Variants in CAP2 observed in about 807,000 individuals in gnomAD.
The protein encoded by CAP2 is cyclase associated actin cytoskeleton regulatory protein 2.
CAP2 carries 24 observed loss-of-function variants against 57.7 expected under a neutral mutation model. The observed-to-expected ratio is 0.42, with a 90% confidence interval of 0.30 to 0.58. The LOEUF is 0.58. CAP2 is among the 20% of genes least tolerant of loss of function. The pLI, the probability that CAP2 is intolerant of heterozygous loss-of-function variation, is 0.22. For missense variants in CAP2, 501 were observed against 590.3 expected (o/e 0.85, Z 1.57); for synonymous variants, 194 against 207.2 (o/e 0.94, Z 0.55).
intron 11 of CAP2, among the ~76,000 whole-genome samples, chr6:17,545,986 A>G (rs565333171): frequency 1.3e-3 from 203 of 152,310 alleles, no homozygotes; most frequent in Non-Finnish European, 2.0e-3. Flanking sequence ...TATTGCGAAT[A>G]GTGCCGCAAT....
intron 8 of CAP2, 89 bp downstream of exon 8, chr6:17,539,547 C>A: frequency 3.2e-6 from 3 of 933,406 alleles, no homozygotes; most frequent in Non-Finnish European, 4.9e-6. Flanking sequence ...GTGATGGATA[C>A]ATCACTCCAT....
intron 4 of CAP2, among the ~76,000 whole-genome samples, chr6:17,502,215 G>A (rs1161548559): frequency 4.6e-5 from 7 of 152,188 alleles, no homozygotes; most frequent in Admixed American, 4.6e-4. Context: ...AAATCAGCCT[G>A]TATTGATTGA....
intron 4 of CAP2, among the ~76,000 whole-genome samples, chr6:17,484,530 T>C (rs1220516790): frequency 6.6e-6 from 1 of 152,230 alleles, no homozygotes; most frequent in Non-Finnish European, 1.5e-5. Context: ...AATATCATAT[T>C]TCATTGCCAG....
At position 17,441,733 on chromosome 6, in the gene CAP2, C is replaced by T. The variant is rs145043329; in HGVS notation, c.222+15043C>T. Among the ~76,000 whole-genome samples the T allele has an allele frequency of 3.0e-3, 459 of 152,296 alleles. 1 individual carries two copies. The highest frequency in any genetic ancestry group is 0.01 in the African/African-American group (433 of 41,554). On this transcript the variant is annotated intron_variant, in intron 3 of 12. Transcript: ENST00000229922. ...CTCCTAGGCTCAAGCAATCCTCCCA[C>T]CTTGGCCTCCCAAAGTGTTGGGATT...
At chr6:17,419,042 A>C (rs560361715) in intron 1 of CAP2, among the ~76,000 whole-genome samples, 18 of 152,324 alleles carry the variant, frequency 1.2e-4, no homozygotes, top group Admixed American at 2.0e-4. Flanking sequence ...CAGTTTCAGG[A>C]GAGATGACTT....
intron 3 of CAP2, among the ~76,000 whole-genome samples, chr6:17,435,589 CATT>C (rs1476430371): frequency 7.9e-6 from 1 of 126,172 alleles, no homozygotes; most frequent in Non-Finnish European, 1.6e-5. Context: ...CTAGATGTCA[CATT>C]AGTGGGTGCA....
At chr6:17,540,904 T>G in intron 8 of CAP2, 69 bp from the exon 9 acceptor site, 1 of 1,436,574 alleles carries the variant, frequency 7.0e-7, no homozygotes, top group Non-Finnish European at 9.5e-7. Context: ...TTACATCATG[T>G]TGATCTAGCA....
chr6:17,498,256 G>T (rs1036274724), intron 4 of CAP2, among the ~76,000 whole-genome samples: 1 of 152,158 alleles, frequency 6.6e-6, no homozygotes, highest in African/African-American at 2.4e-5. Context: ...ACAAAAAAAC[G>T]TGTCTACTGT....
intron 4 of CAP2, among the ~76,000 whole-genome samples, chr6:17,488,419 T>G (rs1761472319): frequency 6.6e-6 from 1 of 152,234 alleles, no homozygotes; most frequent in Non-Finnish European, 1.5e-5. Context: ...CCTCGATGGC[T>G]TGGTCCCACA....
intron 2 of CAP2, among the ~76,000 whole-genome samples, chr6:17,423,329 T>G (rs1759495654): frequency 6.6e-6 from 1 of 152,184 alleles, no homozygotes; most frequent in South Asian, 2.1e-4. Context: ...GGGTGTTGTT[T>G]TAAGGAAGGC....
At chr6:17,543,389 G>A (rs540500224) in intron 11 of CAP2, among the ~76,000 whole-genome samples, 8 of 152,134 alleles carry the variant, frequency 5.3e-5, no homozygotes, top group Non-Finnish European at 8.8e-5. Flanking sequence ...AGGCCGAGGT[G>A]GGCGGATCAC....
chr6:17,483,349 G>T (rs1038855836), intron 4 of CAP2, among the ~76,000 whole-genome samples: 4 of 151,834 alleles, frequency 2.6e-5, no homozygotes, highest in Non-Finnish European at 5.9e-5. Flanking sequence ...TTCCTCCATT[G>T]TTTTCCTGTC....
intron 12 of CAP2, among the ~76,000 whole-genome samples, chr6:17,556,021 C>T: frequency 6.6e-6 from 1 of 152,202 alleles, no homozygotes; most frequent in East Asian, 1.9e-4. Flanking sequence ...GCCTCTGTTT[C>T]CTACAGATGG....
intron 7 of CAP2, among the ~76,000 whole-genome samples, chr6:17,532,764 A>C (rs72835449): frequency 0.15 from 18,680 of 121,026 alleles, 1,985 homozygotes; most frequent in African/African-American, 0.35. Flanking sequence ...CACACACACA[A>C]AAAAAACTGG....
chr6:17,551,389 T>G (rs1763167941), intron 11 of CAP2, 75 bp from the exon 12 acceptor site: 77 of 1,215,976 alleles, frequency 6.3e-5, no homozygotes, highest in Middle Eastern at 2.0e-4. Context: ...CAAGAGGAAT[T>G]GAGATTGTAT....
chr6:17,519,738 A>G (rs866181643), intron 7 of CAP2, among the ~76,000 whole-genome samples: 24 of 152,198 alleles, frequency 1.6e-4, no homozygotes, highest in Admixed American at 2.0e-4. Flanking sequence ...ACTAAGGCCT[A>G]GTCTTTACCC....
chr6:17,482,664 A>T (rs1459144999), intron 4 of CAP2, among the ~76,000 whole-genome samples: 1 of 151,312 alleles, frequency 6.6e-6, no homozygotes, highest in African/African-American at 2.4e-5. Context: ...AATGCATCAT[A>T]CTCCGTCTTT....
intron 3 of CAP2, among the ~76,000 whole-genome samples, chr6:17,435,669 C>A (rs1581515819): frequency 6.0e-5 from 2 of 33,088 alleles, no homozygotes; most frequent in Non-Finnish European, 5.1e-5. Context: ...TACCCTAAAA[C>A]TTAGAGTATA....
chr6:17,467,067 T>C (rs1478114915), intron 4 of CAP2, among the ~76,000 whole-genome samples: 1 of 152,138 alleles, frequency 6.6e-6, no homozygotes, highest in African/African-American at 2.4e-5. Flanking sequence ...TGGAGAACCT[T>C]CCAGGGAGTC....
Sources: allele counts gnomAD v4.1 joint callset (sites outside exome capture counted in the v4.1 genomes callset), GRCh38; gene constraint gnomAD v4.1.1; transcripts MANE v1.5; gene names NCBI Gene and HGNC (gene_info 2026-07-23, HGNC 2026-07-21).